NRXN3: variants seen among roughly 807,000 people sequenced by gnomAD.
The protein encoded by NRXN3 is neurexin 3.
NRXN3 carries 32 observed loss-of-function variants against 137.6 expected under a neutral mutation model. The observed-to-expected ratio is 0.23, with a 90% CI of 0.18 to 0.31. The LOEUF is 0.31. NRXN3 is among the 10% of genes least tolerant of loss of function. The pLI, the probability that NRXN3 is intolerant of heterozygous loss-of-function variation, is 1.00. For synonymous variants in NRXN3, 798 were observed against 784.5 expected (o/e 1.02, Z -0.29); for missense variants, 1,574 against 2,062.5 (o/e 0.76, Z 4.59).
At chr14:79,099,372 T>C (rs2050875348) in intron 15 of NRXN3, among the ~76,000 whole-genome samples, 1 of 152,150 alleles carries the variant, frequency 6.6e-6, no homozygotes, top group Admixed American at 6.5e-5. Flanking sequence ...CAGAGGGGTG[T>C]AGGGTGGCCA....
intron 10 of NRXN3, among the ~76,000 whole-genome samples, chr14:78,926,316 A>G (rs1053577088): frequency 4.6e-5 from 7 of 152,072 alleles, no homozygotes; most frequent in African/African-American, 1.7e-4. Context: ...TGTAAAAATA[A>G]TCCTGTAATG....
At chr14:78,659,716 A>C (rs1316748428) in intron 6 of NRXN3, among the ~76,000 whole-genome samples, 3 of 62,944 alleles carry the variant, frequency 4.8e-5, no homozygotes, top group African/African-American at 4.7e-4. Context: ...TGTGAGGACA[A>C]AAAAAAAAAA....
At chr14:78,789,615 G>A (rs970564965) in intron 8 of NRXN3, among the ~76,000 whole-genome samples, 2 of 152,024 alleles carry the variant, frequency 1.3e-5, no homozygotes, top group African/African-American at 4.8e-5. Context: ...AAGTAATTGT[G>A]GTTTTTGCAA....
chr14:79,795,155 A>G (rs983485215), intron 19 of NRXN3, among the ~76,000 whole-genome samples: 2 of 152,308 alleles, frequency 1.3e-5, no homozygotes, highest in South Asian at 4.1e-4. Flanking sequence ...TATTAGCCTC[A>G]CTGTCTATCA....
chr14:78,544,968 T>C (rs142767667), intron 4 of NRXN3, among the ~76,000 whole-genome samples: 92 of 152,324 alleles, frequency 6.0e-4, no homozygotes, highest in African/African-American at 2.2e-3. Context: ...CAACTAAGCA[T>C]TCTTTTGTTA....
At chr14:78,898,153 T>C (rs2099183812) in intron 10 of NRXN3, among the ~76,000 whole-genome samples, 1 of 151,946 alleles carries the variant, frequency 6.6e-6, no homozygotes, top group Non-Finnish European at 1.5e-5. Flanking sequence ...ACAGGATTTC[T>C]AAATGGAGTC....
At chr14:79,125,734 T>C (rs2056302925) in intron 15 of NRXN3, among the ~76,000 whole-genome samples, 1 of 152,182 alleles carries the variant, frequency 6.6e-6, no homozygotes, top group African/African-American at 2.4e-5. Context: ...TAACATCTTG[T>C]GCTGATGTCA....
intron 15 of NRXN3, among the ~76,000 whole-genome samples, chr14:79,455,277 A>G (rs1357203241): frequency 6.6e-6 from 1 of 152,134 alleles, no homozygotes; most frequent in Non-Finnish European, 1.5e-5. Flanking sequence ...GTTTTATAAG[A>G]TCGTTTGTCC....
intron 15 of NRXN3, among the ~76,000 whole-genome samples, chr14:79,402,691 A>C (rs927878894): frequency 6.6e-6 from 1 of 152,198 alleles, no homozygotes; most frequent in African/African-American, 2.4e-5. Flanking sequence ...GAAGAATTAG[A>C]TCTCAAACTA....
intron 15 of NRXN3, among the ~76,000 whole-genome samples, chr14:79,439,526 C>A (rs1395436471): frequency 6.6e-6 from 1 of 152,132 alleles, no homozygotes; most frequent in Non-Finnish European, 1.5e-5. Flanking sequence ...GTATTATTTT[C>A]AGAAAATCAA....
intron 19 of NRXN3, among the ~76,000 whole-genome samples, chr14:79,758,097 C>CA (rs1378060777): frequency 6.6e-6 from 1 of 152,092 alleles, no homozygotes; most frequent in African/African-American, 2.4e-5. Flanking sequence ...TCCTGTGGAA[C>CA]AAAATAGAAT....
chr14:78,396,333 C>T lies in NRXN3; in HGVS notation c.757+98473C>T, dbSNP rs545489551. ...CCTACATGTAGTTAGAACCATGTCACACAGTGTTATAATTTTTATTTCAAT... is the reference window on the plus strand; with the variant it reads ...CCTACATGTAGTTAGAACCATGTCATACAGTGTTATAATTTTTATTTCAAT... On this transcript the variant is annotated intron_variant, in intron 4 of 20. Coordinates refer to ENST00000335750, the MANE Select transcript of NRXN3 (RefSeq NM_001330195.2). 1.6e-4 allele frequency among the ~76,000 whole-genome samples: 24 copies of T among 152,240 alleles called. No homozygotes were observed. The South Asian group carries it at 4.8e-3, about 30-fold the overall frequency.
chr14:79,251,480 A>C (rs956803443), intron 15 of NRXN3, among the ~76,000 whole-genome samples: 3 of 152,186 alleles, frequency 2.0e-5, no homozygotes, highest in African/African-American at 7.2e-5. Context: ...ACGTACAATA[A>C]GTAGGGGTAA....
chr14:79,738,315 C>CCACACACA (rs10539564), intron 19 of NRXN3, among the ~76,000 whole-genome samples: 5,355 of 137,964 alleles, frequency 0.039, 166 homozygotes, highest in African/African-American at 0.065. Flanking sequence ...ATTTCCCCCG[C>CCACACACA]CACACACACA....
At chr14:78,471,199 A>T (rs1394911076) in intron 4 of NRXN3, among the ~76,000 whole-genome samples, 8 of 152,046 alleles carry the variant, frequency 5.3e-5, no homozygotes, top group Admixed American at 5.2e-4. Context: ...GAAAGAGCTC[A>T]TGTTACATCT....
chr14:79,575,898 G>C (rs2097659960), intron 16 of NRXN3, among the ~76,000 whole-genome samples: 1 of 152,152 alleles, frequency 6.6e-6, no homozygotes, highest in Non-Finnish European at 1.5e-5. Flanking sequence ...TCTGCTGCAA[G>C]AGTCTGTTAT....
rs1413195114 is a variant in NRXN3 at position 79,862,804 on chromosome 14, G to A, written c.*840G>A. On this transcript the variant is annotated 3_prime_UTR_variant, in exon 21 of 21. Transcript: ENST00000335750. ...TTGATTCGAAAAGCTGGTCCCCCAG[G>A]ATCTAATTTCAGAATTTACCACCCA... 2.0e-5 allele frequency: 3 copies of A among 152,532 alleles called. No individual in the cohort carries two copies. Among genetic ancestry groups the A allele is most frequent in the South Asian group, 2.1e-4 (1 of 4,828 alleles). The allele number at this position is 152,532 out of a possible 1,614,324, so 9.4% of individuals were successfully genotyped here.
intron 19 of NRXN3, among the ~76,000 whole-genome samples, chr14:79,786,648 C>G (rs1384431416): frequency 2.0e-5 from 3 of 152,124 alleles, no homozygotes; most frequent in African/African-American, 7.2e-5. Context: ...CTATTTAAAT[C>G]CTATCCCCCT....
intron 1 of NRXN3, among the ~76,000 whole-genome samples, chr14:78,188,671 A>G (rs1053770708): frequency 6.6e-6 from 1 of 152,218 alleles, no homozygotes. Context: ...GGCCTAAGAC[A>G]TAGACTTTGG....
Sources: allele counts gnomAD v4.1 joint callset (sites outside exome capture counted in the v4.1 genomes callset), GRCh38; gene constraint gnomAD v4.1.1; transcripts MANE v1.5; gene names NCBI Gene and HGNC (gene_info 2026-07-23, HGNC 2026-07-21).